DTWD2: variants seen among roughly 807,000 people sequenced by gnomAD.
DTWD2 encodes the protein DTW motif tRNA-uridine aminocarboxypropyltransferase 2, also known as tRNA-uridine aminocarboxypropyltransferase 2.
In DTWD2, 39 loss-of-function variants were observed where a neutral mutation model predicts 31.8. That is an observed-to-expected ratio of 1.22 (90% CI 0.95 to 1.60). The LOEUF is 1.60. Ranked by LOEUF, DTWD2 falls within the 40% of genes most tolerant of loss-of-function variation. The probability of loss-of-function intolerance (pLI) is 0.00; values close to 1 mark genes in which losing one functional copy is unlikely to be tolerated. For missense variants in DTWD2, 515 were observed against 381.5 expected (o/e 1.35, Z -2.92); for synonymous variants, 180 against 142.8 (o/e 1.26, Z -1.86).
At chr5:118,901,992 T>A (rs551828855) in intron 4 of DTWD2, among the ~76,000 whole-genome samples, 3 of 152,342 alleles carry the variant, frequency 2.0e-5, no homozygotes, top group African/African-American at 7.2e-5. Context: ...TAATAATTCA[T>A]ACTTAATTAC....
chr5:118,914,335 C>T (rs996063681), intron 4 of DTWD2, among the ~76,000 whole-genome samples: 1 of 152,156 alleles, frequency 6.6e-6, no homozygotes, highest in Admixed American at 6.5e-5. Flanking sequence ...GAGGACAAAG[C>T]ACACCATCTT....
Position 118,839,170 on chromosome 5 carries a change from A to G in DTWD2, c.*1747T>C, listed in dbSNP as rs1393476933. On this transcript the variant is annotated 3_prime_UTR_variant, in exon 6 of 6. Transcript: ENST00000510708. ...GAGCGAGATTCCATCTCAAATAATA[A>G]TAATAATAATAATAATGACTAAAAG... is the stretch of plus-strand genomic sequence containing the variant. 6.6e-6 allele frequency: 1 copy of G among 151,862 alleles called. No homozygotes were observed. Among genetic ancestry groups the G allele is most frequent in the East Asian group, 1.9e-4 (1 of 5,194 alleles). The allele number at this position is 151,862 out of a possible 1,614,324, so 9.4% of individuals were successfully genotyped here.
intron 2 of DTWD2, among the ~76,000 whole-genome samples, chr5:118,941,426 G>A (rs1201694466): frequency 1.3e-5 from 2 of 152,118 alleles, no homozygotes; most frequent in African/African-American, 2.4e-5. Context: ...AACATGCAGT[G>A]TTTGGTTTTC....
intron 2 of DTWD2, among the ~76,000 whole-genome samples, chr5:118,941,637 A>G (rs1051786803): frequency 2.0e-5 from 3 of 152,208 alleles, no homozygotes; most frequent in African/African-American, 7.2e-5. Context: ...TGCAATAAAC[A>G]TACGTGTGCA....
intron 4 of DTWD2, among the ~76,000 whole-genome samples, chr5:118,922,470 G>A (rs1007149802): frequency 4.6e-5 from 7 of 152,074 alleles, no homozygotes; most frequent in Admixed American, 4.6e-4. Flanking sequence ...ACAGGGGTGG[G>A]GGTATATGCA....
intron 4 of DTWD2, among the ~76,000 whole-genome samples, chr5:118,908,508 C>T (rs1449570554): frequency 6.6e-6 from 1 of 152,106 alleles, no homozygotes; most frequent in South Asian, 2.1e-4. Flanking sequence ...AAACACATAT[C>T]TTCTAATGTC....
At chr5:118,969,565 C>T (rs2149597563) in intron 1 of DTWD2, among the ~76,000 whole-genome samples, 1 of 152,244 alleles carries the variant, frequency 6.6e-6, no homozygotes, top group East Asian at 1.9e-4. Flanking sequence ...GGAGTGGAAC[C>T]CCAACAACCA....
chr5:118,964,864 C>T (rs1754793929), intron 1 of DTWD2, among the ~76,000 whole-genome samples: 1 of 152,196 alleles, frequency 6.6e-6, no homozygotes. Context: ...GCCACCACCC[C>T]GTCTGGGAAG....
intron 4 of DTWD2, among the ~76,000 whole-genome samples, chr5:118,861,837 A>T (rs1752267046): frequency 6.6e-6 from 1 of 152,140 alleles, no homozygotes; most frequent in South Asian, 2.1e-4. Flanking sequence ...GTAACTGGAG[A>T]GGCTCAATTA....
intron 1 of DTWD2, chr5:118,974,094 C>T (rs1297612594): frequency 1.1e-5 from 18 of 1,598,304 alleles, no homozygotes; most frequent in African/African-American, 2.7e-5. Flanking sequence ...GATGTCGATA[C>T]CAAGAAGCAG....
chr5:118,889,701 A>G (rs61196104), intron 4 of DTWD2, among the ~76,000 whole-genome samples: 5,635 of 152,224 alleles, frequency 0.037, 361 homozygotes, highest in African/African-American at 0.13. Context: ...ATGTAAATAT[A>G]TTACTTTTAC....
intron 4 of DTWD2, among the ~76,000 whole-genome samples, chr5:118,927,666 A>T (rs1245838629): frequency 6.6e-6 from 1 of 152,160 alleles, no homozygotes; most frequent in Non-Finnish European, 1.5e-5. Flanking sequence ...GAAATATAAA[A>T]GTTATTAAAA....
chr5:118,838,209 T>C lies in DTWD2; in HGVS notation c.*2708A>G, dbSNP rs1751617905. On this transcript the variant is annotated 3_prime_UTR_variant, in exon 6 of 6. Coordinates refer to ENST00000510708, the MANE Select transcript of DTWD2 (RefSeq NM_173666.4). Reference sequence around the variant, plus strand: ...CAATACCTCTCATTACACGCAGTGATTTTCAACATACTATAAAGGAGCTGA... The same window carrying C: ...CAATACCTCTCATTACACGCAGTGACTTTCAACATACTATAAAGGAGCTGA... 1 of 152,158 alleles carries C rather than the reference T, an allele frequency of 6.6e-6. No individual in the cohort carries two copies. Among genetic ancestry groups the C allele is most frequent in the African/African-American group, 2.4e-5 (1 of 41,432 alleles). 9.4% of individuals were successfully genotyped at this position (152,158 alleles called of 1,614,324 possible).
At chr5:118,867,559 C>A (rs780044407) in intron 4 of DTWD2, among the ~76,000 whole-genome samples, 1 of 152,192 alleles carries the variant, frequency 6.6e-6, no homozygotes, top group Non-Finnish European at 1.5e-5. Context: ...AGTTACCTAA[C>A]CTCTCTGGTC....
At chr5:118,879,578 C>T (rs973535919) in intron 4 of DTWD2, among the ~76,000 whole-genome samples, 5 of 149,012 alleles carry the variant, frequency 3.4e-5, no homozygotes, top group Non-Finnish European at 5.9e-5. Flanking sequence ...CCACTACACT[C>T]CAGCCTGGGC....
intron 4 of DTWD2, among the ~76,000 whole-genome samples, chr5:118,888,441 G>GT (rs1288062270): frequency 6.6e-6 from 1 of 152,094 alleles, no homozygotes. Flanking sequence ...ATAGTGCACT[G>GT]TTTTTTTACT....
intron 2 of DTWD2, among the ~76,000 whole-genome samples, chr5:118,942,509 G>T (rs1463897436): frequency 2.7e-5 from 4 of 150,780 alleles, no homozygotes; most frequent in Non-Finnish European, 4.4e-5. Flanking sequence ...TAAGGTATTT[G>T]AAAACATTAA....
intron 1 of DTWD2, among the ~76,000 whole-genome samples, chr5:118,944,875 A>C (rs1258294869): frequency 6.6e-6 from 1 of 152,200 alleles, no homozygotes; most frequent in Non-Finnish European, 1.5e-5. Flanking sequence ...TAAGTACCTC[A>C]AAACAAAAAT....
intron 1 of DTWD2, among the ~76,000 whole-genome samples, chr5:118,953,100 G>C (rs1040169047): frequency 2.6e-5 from 4 of 152,166 alleles, no homozygotes; most frequent in Admixed American, 1.3e-4. Flanking sequence ...CATTAAACTA[G>C]ACAGCTGAGC....
Sources: gnomAD v4.1 joint callset for allele counts (sites outside exome capture counted in the v4.1 genomes callset) on GRCh38, gnomAD v4.1.1 for gene constraint, MANE v1.5 for transcripts, NCBI Gene and HGNC (gene_info 2026-07-23, HGNC 2026-07-21) for gene names.